The following FRMPD2 variants were observed in gnomAD, a reference collection of about 807,000 sequenced individuals.
The protein encoded by FRMPD2 is FERM and PDZ domain containing 2.
In FRMPD2, 96 loss-of-function variants were observed where a neutral mutation model predicts 140.1. That is an observed-to-expected ratio of 0.69 (90% confidence interval 0.58 to 0.81). The LOEUF is 0.81. FRMPD2 is among the 40% of genes least tolerant of loss of function. The probability of loss-of-function intolerance (pLI) is 0.00; values close to 1 mark genes in which losing one functional copy is unlikely to be tolerated. For missense variants in FRMPD2, 1,240 were observed against 1,447.4 expected (o/e 0.86, Z 2.32); for synonymous variants, 449 against 547.6 (o/e 0.82, Z 2.52).
At chr10:48,217,667 G>A (rs1839482237) in intron 12 of FRMPD2, among the ~76,000 whole-genome samples, 1 of 152,200 alleles carries the variant, frequency 6.6e-6, no homozygotes, top group South Asian at 2.1e-4. Flanking sequence ...ATGTGTAGGT[G>A]TTGGGTTTTA....
chr10:48,232,579 T>A (rs1193171290), intron 9 of FRMPD2, among the ~76,000 whole-genome samples: 1 of 152,136 alleles, frequency 6.6e-6, no homozygotes, highest in East Asian at 1.9e-4. Context: ...CTGACTGACG[T>A]CTTTCCCATG....
At chr10:48,187,329 C>T in intron 16 of FRMPD2, 37 bp from the exon 17 acceptor site, 1 of 1,584,770 alleles carries the variant, frequency 6.3e-7, no homozygotes, top group Non-Finnish European at 8.7e-7. Flanking sequence ...ATAAGGTGGC[C>T]CACGGGGAAG....
intron 16 of FRMPD2, among the ~76,000 whole-genome samples, chr10:48,189,780 C>G (rs544748608): frequency 1.6e-3 from 240 of 152,212 alleles, no homozygotes; most frequent in Non-Finnish European, 3.0e-3. Flanking sequence ...GATGCCACAT[C>G]TCCCAAGCAG....
chr10:48,249,054 T>C lies in FRMPD2; in HGVS notation c.276A>G (p.Gly92=). Residue 92 remains glycine, a synonymous_variant, in exon 3 of 29, where the codon GGA becomes GGG. Transcript: ENST00000374201. ...CATCAGGCTGCTCATCCTCACTCTG[T>C]CCCTGTAGCAGTTCAGGGGCCTTGA... is the stretch of plus-strand genomic sequence containing the variant. ...APFKAPELLQ[G]QSEDEQPDAS... is the part of the protein sequence containing the mutation. 1 of 1,613,584 alleles carries C rather than the reference T, an allele frequency of 6.2e-7. No homozygotes were observed. The highest frequency in any genetic ancestry group is 8.5e-7 in the Non-Finnish European group (1 of 1,179,892).
intron 2 of FRMPD2, among the ~76,000 whole-genome samples, chr10:48,250,942 G>A (rs368421340): frequency 5.3e-5 from 8 of 150,436 alleles, no homozygotes; most frequent in South Asian, 4.2e-4. Context: ...GATTACAGGC[G>A]AGCGCAACCA....
chr10:48,268,001 T>A (rs1216509249), intron 1 of FRMPD2, among the ~76,000 whole-genome samples: 1 of 152,222 alleles, frequency 6.6e-6, no homozygotes, highest in Non-Finnish European at 1.5e-5. Context: ...AGTACTCACA[T>A]GTAGGATGTC....
At chr10:48,240,302 GA>G in intron 6 of FRMPD2, 57 bp downstream of exon 6, 6 of 1,580,764 alleles carry the variant, frequency 3.8e-6, no homozygotes, top group Admixed American at 1.7e-5. Context: ...TACAGGGCAG[GA>G]AAAAATAGAA....
At chr10:48,194,226 C>A (rs752752301) in intron 15 of FRMPD2, among the ~76,000 whole-genome samples, 14 of 152,154 alleles carry the variant, frequency 9.2e-5, no homozygotes, top group Non-Finnish European at 1.3e-4. Flanking sequence ...TTATTATACC[C>A]AATTTAAAGA....
chr10:48,206,995 C>T lies in FRMPD2; in HGVS notation c.1612-62G>A, dbSNP rs868617499. The T allele has an allele frequency of 2.2e-5, 33 of 1,467,208 alleles. No homozygotes were observed. The African/African-American group carries it at 2.8e-4, about 12-fold the overall frequency. The allele number at this position is 1,467,208 out of a possible 1,614,324, so 90.9% of individuals were successfully genotyped here. On this transcript the variant is annotated intron_variant, in intron 13 of 28. Coordinates refer to ENST00000374201, the MANE Select transcript of FRMPD2 (RefSeq NM_001018071.4). ...ACATGGTTTAAAATAATGGGCCTCACGCCATTCACTCCATGCAAAACACAC... is the reference window on the plus strand; with the variant it reads ...ACATGGTTTAAAATAATGGGCCTCATGCCATTCACTCCATGCAAAACACAC...
chr10:48,238,184 A>G, intron 7 of FRMPD2, 61 bp from the exon 8 acceptor site: 2 of 1,572,112 alleles, frequency 1.3e-6, no homozygotes, highest in Non-Finnish European at 1.7e-6. Context: ...CATGGCATGA[A>G]AGACCACCCG....
At chr10:48,199,958 A>G (rs183418696) in intron 15 of FRMPD2, 9 of 152,196 alleles carry the variant, frequency 5.9e-5, no homozygotes, top group African/African-American at 1.7e-4. Flanking sequence ...ATTATTCTAG[A>G]TAATGGAGCT....
Position 48,260,881 on chromosome 10 carries a change from T to C in FRMPD2, c.26-9190A>G, listed in dbSNP as rs533132359. The stretch of plus-strand genomic sequence containing the variant: ...ATAACTATGATTAATATGCTAAGTG[T>C]TCAAATGGAAAAGGTGGGGCAAGAT... On this transcript the variant is annotated intron_variant, in intron 1 of 28. Transcript: ENST00000374201. Among the ~76,000 whole-genome samples, 6 of 19,940 alleles carry C rather than the reference T, an allele frequency of 3.0e-4. No homozygotes were observed. The East Asian group carries it at 9.2e-3, about 31-fold the overall frequency. 13.1% of individuals were successfully genotyped at this position (19,940 alleles called of 152,430 possible).
chr10:48,220,468 C>G (rs931951047), intron 12 of FRMPD2, among the ~76,000 whole-genome samples: 4 of 152,086 alleles, frequency 2.6e-5, no homozygotes, highest in Admixed American at 2.6e-4. Context: ...AATCTAAAAC[C>G]TGAAAACATA....
At chr10:48,175,386 T>A (rs1188517966) in intron 23 of FRMPD2, among the ~76,000 whole-genome samples, 1 of 152,010 alleles carries the variant, frequency 6.6e-6, no homozygotes, top group Non-Finnish European at 1.5e-5. Flanking sequence ...ATAAGTAAGA[T>A]CCTAGGTTCC....
At chr10:48,207,759 T>A (rs1839233597) in intron 13 of FRMPD2, among the ~76,000 whole-genome samples, 1 of 152,134 alleles carries the variant, frequency 6.6e-6, no homozygotes, top group Non-Finnish European at 1.5e-5. Context: ...TGAAGCCCTC[T>A]CAGAAGGGTT....
At chr10:48,202,652 G>A (rs956232224) in intron 14 of FRMPD2, among the ~76,000 whole-genome samples, 8 of 152,110 alleles carry the variant, frequency 5.3e-5, no homozygotes, top group African/African-American at 1.9e-4. Flanking sequence ...TTCTTCTTTA[G>A]TACTCAACTG....
chr10:48,206,783 A>T lies in FRMPD2; in HGVS notation c.1762T>A (p.Phe588Ile). 1 of 1,614,022 alleles carries T rather than the reference A, an allele frequency of 6.2e-7. No homozygotes were observed. Among genetic ancestry groups the T allele is most frequent in the Non-Finnish European group, 8.5e-7 (1 of 1,179,942 alleles). The change falls in exon 14 of 29, where the codon TTT becomes ATT. Residue 588 changes from phenylalanine to isoleucine, a missense_variant. Phe to Ile is a conservative substitution (Grantham distance 21). Coordinates refer to ENST00000374201, the MANE Select transcript of FRMPD2 (RefSeq NM_001018071.4). The stretch of plus-strand genomic sequence containing the variant: ...ATCTTCCCGGTTTCTCTCCACTGAA[A>T]CCGTAACATTGCAATTCTGCTGTTG... The part of the protein sequence containing the change: ...KNNSRIAMLR[F>I]QWRETGKIST...
At chr10:48,167,773 A>T (rs1212231530) in intron 27 of FRMPD2, among the ~76,000 whole-genome samples, 1 of 152,226 alleles carries the variant, frequency 6.6e-6, no homozygotes, top group Non-Finnish European at 1.5e-5. Context: ...ATTTTTTTTT[A>T]GATGTGATTT....
At position 48,249,122 on chromosome 10, in the gene FRMPD2, G is replaced by A; in HGVS notation, c.208C>T (p.Leu70Phe). 1 of 1,614,140 alleles carries A rather than the reference G, an allele frequency of 6.2e-7. No homozygotes were observed. Among genetic ancestry groups the A allele is most frequent in the Non-Finnish European group, 8.5e-7 (1 of 1,180,008 alleles). The change falls in exon 3 of 29, where the codon CTT (leucine) becomes TTT (phenylalanine). Residue 70 changes from leucine to phenylalanine, a missense_variant. By Grantham distance (22) the Leu-to-Phe change is conservative (BLOSUM62 0). Coordinates refer to ENST00000374201, the MANE Select transcript of FRMPD2 (RefSeq NM_001018071.4). ...TGAGAAACACGGCCTTGGAAAGAAAGGCTTCCAGCTGCAGAAAGCAGGGCT... is the reference window on the plus strand; with the variant it reads ...TGAGAAACACGGCCTTGGAAAGAAAAGCTTCCAGCTGCAGAAAGCAGGGCT... ...WSALLSAAGS[L>F]SFQGRVSHIE... is the part of the protein sequence containing the mutation.
Sources: allele counts gnomAD v4.1 joint callset (sites outside exome capture counted in the v4.1 genomes callset), GRCh38; gene constraint gnomAD v4.1.1; transcripts MANE v1.5; gene names NCBI Gene and HGNC (gene_info 2026-07-23, HGNC 2026-07-21).